The following COL25A1 variants were observed in gnomAD, a reference collection of about 807,000 sequenced individuals.
The protein encoded by COL25A1 is collagen alpha-1(XXV) chain.
In COL25A1, 103 loss-of-function variants were observed where a neutral mutation model predicts 128.4. That is an observed-to-expected ratio of 0.80 (90% confidence interval 0.68 to 0.94). The LOEUF (loss-of-function observed/expected upper bound fraction) is 0.94, where lower values mean the gene tolerates loss of function less well. Ranked by LOEUF, COL25A1 falls within the 40% of genes least tolerant of loss-of-function variation. The pLI is 0.00. For missense variants in COL25A1, 745 were observed against 840.0 expected (o/e 0.89, Z 1.40); for synonymous variants, 279 against 277.2 (o/e 1.01, Z -0.06).
intron 6 of COL25A1, among the ~76,000 whole-genome samples, chr4:108,985,918 T>C (rs1362710109): frequency 6.6e-6 from 1 of 152,222 alleles, no homozygotes; most frequent in African/African-American, 2.4e-5. Context: ...TTCAACATTC[T>C]CAAACCAAAT....
At chr4:109,083,652 C>T (rs1456639586) in intron 3 of COL25A1, among the ~76,000 whole-genome samples, 1 of 151,562 alleles carries the variant, frequency 6.6e-6, no homozygotes, top group Non-Finnish European at 1.5e-5. Context: ...TTAGTAGAGA[C>T]GGGGTTTCAC....
rs536054820 is a variant in COL25A1, at chr4:109,266,068, G to A, written c.367+34515C>T. Among the ~76,000 whole-genome samples, 13 of 152,158 alleles carry A rather than the reference G, an allele frequency of 8.5e-5. No homozygotes were observed. The East Asian group carries it at 2.1e-3, about 25-fold the overall frequency. On this transcript the variant is annotated intron_variant, in intron 3 of 37. Transcript: ENST00000399132. ...CTCTTGAGGACTAACAGGTGTAACCGTTAAAGAGTTAAAAGCTTGAACTTG... is the reference window on the plus strand; with the variant it reads ...CTCTTGAGGACTAACAGGTGTAACCATTAAAGAGTTAAAAGCTTGAACTTG...
intron 5 of COL25A1, among the ~76,000 whole-genome samples, chr4:109,044,101 G>A (rs958383986): frequency 6.7e-6 from 1 of 149,144 alleles, no homozygotes; most frequent in Non-Finnish European, 1.5e-5. Flanking sequence ...GTGTGTGTGT[G>A]TGTGTGTGTG....
chr4:108,982,841 T>C (rs1304581567), intron 6 of COL25A1, among the ~76,000 whole-genome samples: 4 of 152,174 alleles, frequency 2.6e-5, no homozygotes, highest in Non-Finnish European at 5.9e-5. Flanking sequence ...GTGATGTCCA[T>C]CTGAGCCCTG....
In COL25A1 at chr4:108,882,259, C is replaced by CTTTT. The variant is rs10630143; in HGVS notation, c.1020+1915_1020+1918dup. ...ATGATAAATAGTATAATCAAAATTG[C>CTTTT]TTTTTTTTTTTTTGCCTTTGGAGGG... On this transcript the variant is annotated intron_variant, in intron 19 of 37. Coordinates refer to ENST00000399132, the MANE Select transcript of COL25A1 (RefSeq NM_198721.4). Among the ~76,000 whole-genome samples the CTTTT allele has an allele frequency of 5.3e-4, 76 of 143,462 alleles. 1 individual carries two copies. The highest frequency in any genetic ancestry group is 2.8e-4 in the Admixed American group (4 of 14,462). 94.1% of individuals were successfully genotyped at this position (143,462 alleles called of 152,430 possible). A position where few individuals can be genotyped will look rare whatever the true frequency, so the allele number is the denominator to read the frequency against.
chr4:109,019,339 TACACACAC>T (rs10633719), intron 5 of COL25A1, among the ~76,000 whole-genome samples: 1 of 34,388 alleles, frequency 2.9e-5, no homozygotes, highest in Non-Finnish European at 4.1e-5. Context: ...CATGTGTGTA[TACACACAC>T]ATACACACAC....
In COL25A1 at chr4:108,809,533, G is replaced by GA. The variant is rs140091944; in HGVS notation, c.*4393dup. Reference sequence around the variant, plus strand: ...TAAATCACACATAACGGTTTAGGTTGAAAAAGTCTTCTTATGCCCAAAAGG... The same window carrying GA: ...TAAATCACACATAACGGTTTAGGTTGAAAAAAGTCTTCTTATGCCCAAAAGG... On this transcript the variant is annotated 3_prime_UTR_variant, in exon 38 of 38. Coordinates refer to ENST00000399132, the MANE Select transcript of COL25A1 (RefSeq NM_198721.4). The GA allele has an allele frequency of 6.6e-6, 1 of 151,596 alleles. No homozygotes were observed. Among genetic ancestry groups the GA allele is most frequent in the African/African-American group, 2.4e-5 (1 of 41,322 alleles). 9.4% of individuals were successfully genotyped at this position (151,596 alleles called of 1,614,324 possible). A position where few individuals can be genotyped will look rare whatever the true frequency, so the allele number is the denominator to read the frequency against.
intron 3 of COL25A1, among the ~76,000 whole-genome samples, chr4:109,228,603 C>A (rs925899068): frequency 6.6e-6 from 1 of 152,130 alleles, no homozygotes; most frequent in African/African-American, 2.4e-5. Flanking sequence ...CTGTTGGAAT[C>A]TCAACATTCG....
rs141427265 is a variant in COL25A1 at position 109,016,238 on chromosome 4, G to A, written c.421-5863C>T. ...CCAGACACTCACAACCAAGCTGGGTGTGTGCATGATCAGGGTAGTGCTGAT... is the reference window on the plus strand; with the variant it reads ...CCAGACACTCACAACCAAGCTGGGTATGTGCATGATCAGGGTAGTGCTGAT... On this transcript the variant is annotated intron_variant, in intron 5 of 37. Coordinates refer to ENST00000399132, the MANE Select transcript of COL25A1 (RefSeq NM_198721.4). 2.4e-3 allele frequency among the ~76,000 whole-genome samples: 367 copies of A among 152,368 alleles called. 1 individual carries two copies. Among genetic ancestry groups the A allele is most frequent in the African/African-American group, 8.1e-3 (338 of 41,590 alleles).
chr4:109,300,507 G>A lies in COL25A1; in HGVS notation c.367+76C>T, dbSNP rs1008194666. On this transcript the variant is annotated intron_variant, in intron 3 of 37. Transcript: ENST00000399132. Reference sequence around the variant, plus strand: ...TCTTTCTTTACTATTATTACAGGTAGACTTGACAGACACAGGACCTTTGTT... The same window carrying A: ...TCTTTCTTTACTATTATTACAGGTAAACTTGACAGACACAGGACCTTTGTT... 5 of 964,562 alleles carry A rather than the reference G, an allele frequency of 5.2e-6. No individual in the cohort carries two copies. The South Asian group carries it at 6.7e-5, about 13-fold the overall frequency. 59.8% of individuals were successfully genotyped at this position (964,562 alleles called of 1,614,324 possible).
At chr4:108,841,087 T>C (rs1004352471) in intron 31 of COL25A1, among the ~76,000 whole-genome samples, 10 of 152,204 alleles carry the variant, frequency 6.6e-5, no homozygotes, top group African/African-American at 2.4e-4. Flanking sequence ...AAAGGACAGG[T>C]GGAGACCATC....
intron 5 of COL25A1, among the ~76,000 whole-genome samples, chr4:109,047,359 G>A (rs1760521964): frequency 6.6e-6 from 1 of 152,142 alleles, no homozygotes; most frequent in Admixed American, 6.5e-5. Context: ...GAGGGTATTG[G>A]TGTGTGATCA....
intron 5 of COL25A1, among the ~76,000 whole-genome samples, chr4:109,010,908 A>G (rs1475140814): frequency 6.6e-6 from 1 of 152,228 alleles, no homozygotes; most frequent in Non-Finnish European, 1.5e-5. Context: ...TTTATCTTTT[A>G]TTCTGCATAA....
chr4:109,174,237 T>C (rs1259085055), intron 3 of COL25A1, among the ~76,000 whole-genome samples: 4 of 152,198 alleles, frequency 2.6e-5, no homozygotes. Flanking sequence ...AACCGTGGTG[T>C]AAGGCCTAAA....
At chr4:109,118,210 A>C (rs1767780450) in intron 3 of COL25A1, among the ~76,000 whole-genome samples, 1 of 152,100 alleles carries the variant, frequency 6.6e-6, no homozygotes, top group South Asian at 2.1e-4. Flanking sequence ...TAAAAGTATT[A>C]ATAGAGAAAG....
At chr4:108,999,984 G>A (rs1049506347) in intron 6 of COL25A1, among the ~76,000 whole-genome samples, 1 of 152,074 alleles carries the variant, frequency 6.6e-6, no homozygotes, top group South Asian at 2.1e-4. Context: ...GGGCCTGGGG[G>A]AGGGATATCA....
chr4:109,290,382 G>C (rs897337377), intron 3 of COL25A1, among the ~76,000 whole-genome samples: 3 of 151,992 alleles, frequency 2.0e-5, no homozygotes, highest in African/African-American at 7.2e-5. Flanking sequence ...AATAGCTAAA[G>C]CTTGGATCAT....
intron 5 of COL25A1, chr4:109,022,095 G>A (rs890324782): frequency 1.3e-5 from 6 of 447,778 alleles, no homozygotes; most frequent in East Asian, 7.0e-5. Flanking sequence ...CTCCCTGTTC[G>A]TACACCCCCT....
At chr4:109,119,715 G>T (rs1466047859) in intron 3 of COL25A1, among the ~76,000 whole-genome samples, 1 of 151,948 alleles carries the variant, frequency 6.6e-6, no homozygotes, top group East Asian at 1.9e-4. Context: ...AAAAGAGAAA[G>T]TATATCAATT....
Sources: gnomAD v4.1 joint callset for allele counts (sites outside exome capture counted in the v4.1 genomes callset) on GRCh38, gnomAD v4.1.1 for gene constraint, MANE v1.5 for transcripts, NCBI Gene and HGNC (gene_info 2026-07-23, HGNC 2026-07-21) for gene names.